The following EIF4EBP3 variants were observed in gnomAD, a reference collection of about 807,000 sequenced individuals.
EIF4EBP3 encodes eukaryotic translation initiation factor 4E-binding protein 3.
Under a neutral mutation model 12.1 loss-of-function variants are expected in EIF4EBP3, and 11 were observed. That is an observed-to-expected ratio of 0.91 (90% CI 0.57 to 1.51). The LOEUF is 1.51. Ranked by LOEUF, EIF4EBP3 falls within the 40% of genes most tolerant of loss-of-function variation. The pLI, the probability that EIF4EBP3 is intolerant of heterozygous loss-of-function variation, is 0.00. For synonymous variants in EIF4EBP3, 43 were observed against 54.2 expected, an observed-to-expected ratio of 0.79 and a Z score of 0.91; for missense variants, 136 against 131.8, an observed-to-expected ratio of 1.03 and a Z score of -0.16.
In EIF4EBP3 at chr5:140,548,757, C is replaced by G. The variant is rs906185996; in HGVS notation, c.104-149C>G. The G allele has an allele frequency of 4.3e-6, 5 of 1,150,082 alleles. No homozygotes were observed. In the African/African-American group the frequency reaches 4.7e-5, roughly 11 times the overall value. 71.2% of individuals were successfully genotyped at this position (1,150,082 alleles called of 1,614,324 possible). A position where few individuals can be genotyped will look rare whatever the true frequency, so the allele number is the denominator to read the frequency against. ...CTATGAAGGCTTGTCTGCTGAGAACCTAGCTGGGCTTCAGAGCCGATGTCC... is the reference window on the plus strand; with the variant it reads ...CTATGAAGGCTTGTCTGCTGAGAACGTAGCTGGGCTTCAGAGCCGATGTCC... On this transcript the variant is annotated intron_variant, in intron 1 of 2. Coordinates refer to ENST00000310331, the MANE Select transcript of EIF4EBP3 (RefSeq NM_003732.3).
chr5:140,548,880 T>G (rs767877868), intron 1 of EIF4EBP3, 26 bp from the exon 2 acceptor site: 3 of 1,602,402 alleles, frequency 1.9e-6, no homozygotes, highest in Non-Finnish European at 2.6e-6. Flanking sequence ...CTCCTGACTC[T>G]TACCTCAGTC....
chr5:140,549,073 C>G lies in EIF4EBP3; in HGVS notation c.271C>G (p.Pro91Ala). 1 of 1,614,036 alleles carries G rather than the reference C, an allele frequency of 6.2e-7. No homozygotes were observed. The highest frequency in any genetic ancestry group is 8.5e-7 in the Non-Finnish European group (1 of 1,179,932). Residue 91 changes from proline to alanine, a missense_variant, in exon 2 of 3, where the codon CCC becomes GCC. Transcript: ENST00000310331. ...LKEQETEEEI[P>A]DDAQFEMDI ...GGAGCAGGAGACAGAGGAAGAGATA[C>G]CCGGTAAGGAAAGCAGGAATTAAGA...
At chr5:140,549,151 G>A in intron 2 of EIF4EBP3, 75 bp downstream of exon 2, 1 of 1,614,238 alleles carries the variant, frequency 6.2e-7, no homozygotes. Context: ...CGGGGGTTCA[G>A]TTCCAAGAGG....
chr5:140,549,573 G>C lies in EIF4EBP3; in HGVS notation c.*311G>C. ...TCTGACTGCTTAGTAAACATTCAAA[G>C]AAATGCCTTGGCTCCAGTGTTCTCC... is the stretch of plus-strand genomic sequence containing the variant. On this transcript the variant is annotated 3_prime_UTR_variant, in exon 3 of 3. Transcript: ENST00000310331. 7.0e-6 allele frequency: 3 copies of C among 427,508 alleles called. 1 individual carries two copies. The South Asian group carries it at 7.6e-5, about 11-fold the overall frequency. The allele number at this position is 427,508 out of a possible 1,614,324, so 26.5% of individuals were successfully genotyped here.
chr5:140,547,693 C>T lies in EIF4EBP3; in HGVS notation c.-45C>T. On this transcript the variant is annotated 5_prime_UTR_variant, in exon 1 of 3. Transcript: ENST00000310331. ...GCCTCAGACTCAGAGCTGCGCTCCT[C>T]GACCTCAACGCCAGGCGGTTACTTT... 2.0e-6 allele frequency: 3 copies of T among 1,513,248 alleles called. No individual in the cohort carries two copies. Among genetic ancestry groups the T allele is most frequent in the South Asian group, 1.2e-5 (1 of 82,902 alleles). 93.7% of individuals were successfully genotyped at this position (1,513,248 alleles called of 1,614,324 possible).
intron 1 of EIF4EBP3, among the ~76,000 whole-genome samples, chr5:140,548,225 G>T (rs539496801): frequency 6.6e-6 from 1 of 152,246 alleles, no homozygotes; most frequent in Admixed American, 6.5e-5. Flanking sequence ...CAGTTGCTCC[G>T]TTTTTGTGCT....
At position 140,547,860 on chromosome 5, in the gene EIF4EBP3, G is replaced by T; in HGVS notation, c.103+20G>T. 7.0e-7 allele frequency: 1 copy of T among 1,423,608 alleles called. No homozygotes were observed. Among genetic ancestry groups the T allele is most frequent in the Middle Eastern group, 1.9e-4 (1 of 5,196 alleles). The allele number at this position is 1,423,608 out of a possible 1,614,324, so 88.2% of individuals were successfully genotyped here. On this transcript the variant is annotated intron_variant, in intron 1 of 2. Transcript: ENST00000310331. Reference sequence around the variant, plus strand: ...CCGGAGGTCAGCGGGCCGGGCAGGGGTCCGCAGGCTGCGGACATATTAGCG... The same window carrying T: ...CCGGAGGTCAGCGGGCCGGGCAGGGTTCCGCAGGCTGCGGACATATTAGCG...
chr5:140,549,072 A>G lies in EIF4EBP3; in HGVS notation c.270A>G (p.Ile90Met). 4 of 1,614,116 alleles carry G rather than the reference A, an allele frequency of 2.5e-6. No individual in the cohort carries two copies. Among genetic ancestry groups the G allele is most frequent in the East Asian group, 4.5e-5 (2 of 44,880 alleles). ...ELKEQETEEE[I>M]PDDAQFEMDI Reference sequence around the variant, plus strand: ...AGGAGCAGGAGACAGAGGAAGAGATACCCGGTAAGGAAAGCAGGAATTAAG... The same window carrying G: ...AGGAGCAGGAGACAGAGGAAGAGATGCCCGGTAAGGAAAGCAGGAATTAAG... The change falls in exon 2 of 3, where the codon ATA becomes ATG. Residue 90 changes from isoleucine (I) to methionine (M), a missense_variant. Physicochemically the swap from Ile to Met is conservative, Grantham distance 10. Coordinates refer to ENST00000310331, the MANE Select transcript of EIF4EBP3 (RefSeq NM_003732.3).
intron 1 of EIF4EBP3, among the ~76,000 whole-genome samples, chr5:140,548,592 G>C (rs1260913822): frequency 6.6e-6 from 1 of 152,170 alleles, no homozygotes; most frequent in African/African-American, 2.4e-5. Context: ...GCAGCATGAA[G>C]TACCTGAACT....
chr5:140,548,416 G>A (rs776601144), intron 1 of EIF4EBP3, among the ~76,000 whole-genome samples: 5 of 152,230 alleles, frequency 3.3e-5, no homozygotes, highest in Non-Finnish European at 5.9e-5. Context: ...GGAGGGGTCA[G>A]GATTAGAACA....
At position 140,549,278 on chromosome 5, in the gene EIF4EBP3, C is replaced by T. The variant is rs781331432; in HGVS notation, c.*16C>T. 2 of 1,614,160 alleles carry T rather than the reference C, an allele frequency of 1.2e-6. No homozygotes were observed. The highest frequency in any genetic ancestry group is 2.2e-5 in the South Asian group (2 of 91,084). On this transcript the variant is annotated 3_prime_UTR_variant, in exon 3 of 3. Transcript: ENST00000310331. ...GGACATCTAATCCAGTGCAGATGACCTGGCATGTGGAGTTACAGAGGGATC... is the reference window on the plus strand; with the variant it reads ...GGACATCTAATCCAGTGCAGATGACTTGGCATGTGGAGTTACAGAGGGATC...
In EIF4EBP3 at chr5:140,549,475, G is replaced by C. The variant is rs1754477984; in HGVS notation, c.*213G>C. The C allele has an allele frequency of 4.3e-6, 3 of 702,776 alleles. No homozygotes were observed. The highest frequency in any genetic ancestry group is 7.2e-6 in the Non-Finnish European group (3 of 416,728). 43.5% of individuals were successfully genotyped at this position (702,776 alleles called of 1,614,324 possible). ...AGCCCTTAACTCTACTTCCTCTTCA[G>C]TCTGTGGTACTCCTCCTAACCCTAA... is the stretch of plus-strand genomic sequence containing the variant. On this transcript the variant is annotated 3_prime_UTR_variant, in exon 3 of 3. Transcript: ENST00000310331.
chr5:140,548,932 T>C lies in EIF4EBP3; in HGVS notation c.130T>C (p.Phe44Leu). 1 of 1,613,870 alleles carries C rather than the reference T, an allele frequency of 6.2e-7. No individual in the cohort carries two copies. The highest frequency in any genetic ancestry group is 8.5e-7 in the Non-Finnish European group (1 of 1,179,930). ...CACCAGGATCATCTACGACCGAAAG[T>C]TCCTGCTGGAGTGCAAGAACTCACC... ...GGTRIIYDRKFLLECKNSPIA... is the reference protein window; with the variant it reads ...GGTRIIYDRKLLLECKNSPIA... The change falls in exon 2 of 3, where the codon TTC becomes CTC. Residue 44 changes from phenylalanine to leucine, a missense_variant. Phe to Leu is a conservative substitution (Grantham distance 22). Transcript: ENST00000310331.
At chr5:140,548,452 T>C (rs906300702) in intron 1 of EIF4EBP3, among the ~76,000 whole-genome samples, 2 of 152,218 alleles carry the variant, frequency 1.3e-5, no homozygotes, top group Non-Finnish European at 2.9e-5. Context: ...CTGCAGGAGA[T>C]AGCCCAGGTA....
chr5:140,548,194 G>T (rs964730130), intron 1 of EIF4EBP3, among the ~76,000 whole-genome samples: 8 of 152,232 alleles, frequency 5.3e-5, no homozygotes, highest in African/African-American at 1.9e-4. Context: ...TTGAGAAGTG[G>T]AGTAGTTAGA....
intron 1 of EIF4EBP3, among the ~76,000 whole-genome samples, chr5:140,548,545 G>A (rs2127112553): frequency 6.6e-6 from 1 of 152,220 alleles, no homozygotes; most frequent in African/African-American, 2.4e-5. Context: ...CACCTTCACT[G>A]GTGAGACCAA....
intron 2 of EIF4EBP3, 27 bp from the exon 3 acceptor site, chr5:140,549,207 C>T (rs919377689): frequency 1.9e-6 from 3 of 1,614,074 alleles, no homozygotes; most frequent in African/African-American, 2.7e-5. Flanking sequence ...GACCAGCAAC[C>T]TGTCTTCCTG....
Position 140,547,697 on chromosome 5 carries a change from C to G in EIF4EBP3, c.-41C>G. ...CAGACTCAGAGCTGCGCTCCTCGAC[C>G]TCAACGCCAGGCGGTTACTTTGCTG... On this transcript the variant is annotated 5_prime_UTR_variant, in exon 1 of 3. Coordinates refer to ENST00000310331, the MANE Select transcript of EIF4EBP3 (RefSeq NM_003732.3). 6 of 1,528,516 alleles carry G rather than the reference C, an allele frequency of 3.9e-6. No individual in the cohort carries two copies. Among genetic ancestry groups the G allele is most frequent in the Non-Finnish European group, 5.3e-6 (6 of 1,128,868 alleles). The allele number at this position is 1,528,516 out of a possible 1,614,324, so 94.7% of individuals were successfully genotyped here.
chr5:140,548,832 G>A (rs1561853338), intron 1 of EIF4EBP3, 74 bp from the exon 2 acceptor site: 1 of 1,531,678 alleles, frequency 6.5e-7, no homozygotes, highest in Non-Finnish European at 8.8e-7. Flanking sequence ...GGCCCCAAAA[G>A]GCCTGAGTCT....
Sources: gnomAD v4.1 joint callset for allele counts (sites outside exome capture counted in the v4.1 genomes callset) on GRCh38, gnomAD v4.1.1 for gene constraint, MANE v1.5 for transcripts, NCBI Gene and HGNC (gene_info 2026-07-23, HGNC 2026-07-21) for gene names.